Variants in PTPN4 observed in about 807,000 individuals in gnomAD.
The protein encoded by PTPN4 is tyrosine-protein phosphatase non-receptor type 4.
Under a neutral mutation model 135.5 loss-of-function variants are expected in PTPN4, and 49 were observed. That is an observed-to-expected ratio of 0.36 (90% confidence interval 0.29 to 0.46). The LOEUF (loss-of-function observed/expected upper bound fraction) is 0.46, where lower values mean the gene tolerates loss of function less well. Among genes scored for constraint, PTPN4 ranks in the 20% least tolerant of loss-of-function variants. PTPN4 has a pLI of 1.00. For synonymous variants in PTPN4, 333 were observed against 369.9 expected, an observed-to-expected ratio of 0.90 and a Z score of 1.14; for missense variants, 860 against 1,101.0, an observed-to-expected ratio of 0.78 and a Z score of 3.10.
intron 9 of PTPN4, among the ~76,000 whole-genome samples, chr2:119,888,828 G>A (rs992780928): frequency 6.6e-6 from 1 of 152,092 alleles, no homozygotes; most frequent in Non-Finnish European, 1.5e-5. Context: ...GTTTTGGTAT[G>A]ATGCTAATGC....
rs1051235862 is a variant in PTPN4, at chr2:119,982,165, G to A, written c.*5095G>A. The A allele has an allele frequency of 6.6e-6, 1 of 152,104 alleles. No individual in the cohort carries two copies. Among genetic ancestry groups the A allele is most frequent in the African/African-American group, 2.4e-5 (1 of 41,418 alleles). 9.4% of individuals were successfully genotyped at this position (152,104 alleles called of 1,614,324 possible). A position where few individuals can be genotyped will look rare whatever the true frequency, so the allele number is the denominator to read the frequency against. ...AAGAATGAAAATGTTTGAAAGCCTT[G>A]TTAAGCTCATAAAAGTTTCATTTAA... is the stretch of plus-strand genomic sequence containing the variant. On this transcript the variant is annotated 3_prime_UTR_variant, in exon 27 of 27. Coordinates refer to ENST00000263708, the MANE Select transcript of PTPN4 (RefSeq NM_002830.4).
chr2:119,955,657 G>T (rs1679269268), intron 20 of PTPN4, among the ~76,000 whole-genome samples: 1 of 152,112 alleles, frequency 6.6e-6, no homozygotes, highest in Non-Finnish European at 1.5e-5. Context: ...CCTGAGCTTG[G>T]CCAGGTGTGG....
intron 9 of PTPN4, among the ~76,000 whole-genome samples, chr2:119,900,096 G>C (rs1404257491): frequency 1.3e-5 from 2 of 151,992 alleles, no homozygotes; most frequent in Non-Finnish European, 1.5e-5. Flanking sequence ...ATTAGTGTAG[G>C]TTAGCTATTC....
chr2:119,952,229 A>T, intron 19 of PTPN4, 100 bp downstream of exon 19: 2 of 1,149,156 alleles, frequency 1.7e-6, no homozygotes, highest in South Asian at 3.1e-5. Context: ...AAGTCACCTA[A>T]GTTTCCTGCT....
chr2:119,768,720 C>A (rs10187919), intron 1 of PTPN4, among the ~76,000 whole-genome samples: 1 of 152,068 alleles, frequency 6.6e-6, no homozygotes, highest in South Asian at 2.1e-4. Context: ...CCTTGCTTGC[C>A]GCCTCTGAGG....
At chr2:119,938,288 C>T (rs1040730702) in intron 15 of PTPN4, among the ~76,000 whole-genome samples, 4 of 151,816 alleles carry the variant, frequency 2.6e-5, no homozygotes, top group Non-Finnish European at 4.4e-5. Context: ...TCACCACACC[C>T]GGCTAATTTT....
chr2:119,949,812 C>T (rs1362714455), intron 18 of PTPN4, among the ~76,000 whole-genome samples: 1 of 152,064 alleles, frequency 6.6e-6, no homozygotes, highest in African/African-American at 2.4e-5. Context: ...CACTACACTC[C>T]AGCCTAAGCA....
At chr2:119,782,340 A>G (rs967447069) in intron 1 of PTPN4, among the ~76,000 whole-genome samples, 2 of 151,958 alleles carry the variant, frequency 1.3e-5, no homozygotes, top group African/African-American at 2.4e-5. Flanking sequence ...AATTGCTTGA[A>G]CCTGGGAGGC....
intron 1 of PTPN4, among the ~76,000 whole-genome samples, chr2:119,782,681 C>T (rs1471887121): frequency 6.7e-6 from 1 of 150,344 alleles, no homozygotes; most frequent in African/African-American, 2.5e-5. Context: ...AAAGAAAGAC[C>T]CCTGTGTTAG....
At chr2:119,953,597 A>G (rs1165608691) in intron 19 of PTPN4, among the ~76,000 whole-genome samples, 1 of 152,222 alleles carries the variant, frequency 6.6e-6, no homozygotes, top group African/African-American at 2.4e-5. Flanking sequence ...TAAACCAGGA[A>G]TAACATTTTT....
chr2:119,765,116 G>A (rs377224454), intron 1 of PTPN4, among the ~76,000 whole-genome samples: 200 of 152,322 alleles, frequency 1.3e-3, no homozygotes, highest in African/African-American at 4.5e-3. Context: ...AGGTGGTCTT[G>A]AATTGTGGGG....
At chr2:119,890,515 A>G (rs949784157) in intron 9 of PTPN4, among the ~76,000 whole-genome samples, 9 of 152,176 alleles carry the variant, frequency 5.9e-5, no homozygotes, top group Non-Finnish European at 1.3e-4. Context: ...TTACATTCAA[A>G]GTTATTGGTA....
chr2:119,787,669 C>T (rs905695824), intron 1 of PTPN4, among the ~76,000 whole-genome samples: 3 of 152,180 alleles, frequency 2.0e-5, no homozygotes, highest in Non-Finnish European at 2.9e-5. Context: ...AGAATGATTG[C>T]AGCCTCTGGT....
intron 10 of PTPN4, among the ~76,000 whole-genome samples, chr2:119,903,265 A>G (rs1162215881): frequency 6.6e-6 from 1 of 152,130 alleles, no homozygotes; most frequent in South Asian, 2.1e-4. Flanking sequence ...GTACAGCTGC[A>G]TGTGCCTTTG....
chr2:119,762,597 C>T (rs561964318), intron 1 of PTPN4, among the ~76,000 whole-genome samples: 3 of 152,068 alleles, frequency 2.0e-5, no homozygotes, highest in African/African-American at 7.2e-5. Flanking sequence ...TACTTCTGCC[C>T]CCCGCTTGAG....
At chr2:119,944,906 AG>A (rs1679111045) in intron 15 of PTPN4, among the ~76,000 whole-genome samples, 174 bp from the exon 16 acceptor site, 1 of 152,140 alleles carries the variant, frequency 6.6e-6, no homozygotes, top group African/African-American at 2.4e-5. Context: ...TTGATAAAGT[AG>A]GAAATTAGAT....
intron 3 of PTPN4, among the ~76,000 whole-genome samples, chr2:119,873,726 A>T (rs1677946818): frequency 6.6e-6 from 1 of 152,208 alleles, no homozygotes; most frequent in African/African-American, 2.4e-5. Context: ...AAATATTATG[A>T]CATTTAAAAT....
At chr2:119,924,404 A>G (rs1303587441) in intron 12 of PTPN4, among the ~76,000 whole-genome samples, 1 of 152,110 alleles carries the variant, frequency 6.6e-6, no homozygotes, top group African/African-American at 2.4e-5. Context: ...GTTTATATAC[A>G]TGAATTTCAG....
At chr2:119,784,611 T>A (rs1691011144) in intron 1 of PTPN4, among the ~76,000 whole-genome samples, 2 of 151,632 alleles carry the variant, frequency 1.3e-5, no homozygotes, top group Non-Finnish European at 2.9e-5. Flanking sequence ...ATGGTCTCGA[T>A]CTCCTGACCT....
Sources: gnomAD v4.1 joint callset for allele counts (sites outside exome capture counted in the v4.1 genomes callset) on GRCh38, gnomAD v4.1.1 for gene constraint, MANE v1.5 for transcripts, NCBI Gene and HGNC (gene_info 2026-07-23, HGNC 2026-07-21) for gene names.